FLRT2: variants seen among roughly 807,000 people sequenced by gnomAD.
FLRT2 encodes the protein leucine-rich repeat transmembrane protein FLRT2.
Under a neutral mutation model 40.0 loss-of-function variants are expected in FLRT2, and 15 were observed. The ratio of observed to expected loss-of-function variants is 0.38; its 90% confidence interval spans 0.25 to 0.58. FLRT2 has a LOEUF of 0.58. Ranked by LOEUF, FLRT2 falls within the 20% of genes least tolerant of loss-of-function variation. FLRT2 has a pLI of 0.71. For synonymous variants in FLRT2, 380 were observed against 336.8 expected (o/e 1.13, Z -1.41); for missense variants, 726 against 840.0 (o/e 0.86, Z 1.68).
In FLRT2 at chr14:85,639,851, C is replaced by CT. The variant is rs869148428; in HGVS notation, c.*16369dup. ...GAAATTCTTTATTTTTTTTTTTTTC[C>CT]TTTTTTTTTTTTTTTGAGACAGTGT... is the stretch of plus-strand genomic sequence containing the variant. On this transcript the variant is annotated 3_prime_UTR_variant, in exon 2 of 2. Coordinates refer to ENST00000330753, the MANE Select transcript of FLRT2 (RefSeq NM_013231.6). The CT allele has an allele frequency of 0.28, 33,077 of 117,668 alleles. 5,699 individuals carry two copies. The highest frequency in any genetic ancestry group is 0.38 in the African/African-American group (11,076 of 29,068). The allele number at this position is 117,668 out of a possible 1,614,324, so 7.3% of individuals were successfully genotyped here.
chr14:85,538,345 A>G (rs183273720), intron 1 of FLRT2, among the ~76,000 whole-genome samples: 15 of 152,272 alleles, frequency 9.9e-5, no homozygotes, highest in Middle Eastern at 6.8e-3. Flanking sequence ...CTTACTAAGG[A>G]CATACTTTTT....
chr14:85,559,380 T>C (rs974516224), intron 1 of FLRT2: 3 of 152,162 alleles, frequency 2.0e-5, no homozygotes, highest in African/African-American at 7.2e-5. Flanking sequence ...GAACATGGAT[T>C]AGCTGAGCAG....
chr14:85,639,851 C>CTTTTTTTTTTTTT lies in FLRT2; in HGVS notation c.*16357_*16369dup, dbSNP rs869148428. 3 of 119,250 alleles carry CTTTTTTTTTTTTT rather than the reference C, an allele frequency of 2.5e-5. No homozygotes were observed. Among genetic ancestry groups the CTTTTTTTTTTTTT allele is most frequent in the African/African-American group, 3.4e-5 (1 of 29,556 alleles). 7.4% of individuals were successfully genotyped at this position (119,250 alleles called of 1,614,324 possible). ...GAAATTCTTTATTTTTTTTTTTTTC[C>CTTTTTTTTTTTTT]TTTTTTTTTTTTTTTGAGACAGTGT... On this transcript the variant is annotated 3_prime_UTR_variant, in exon 2 of 2. Transcript: ENST00000330753.
intron 1 of FLRT2, among the ~76,000 whole-genome samples, chr14:85,594,042 A>AAAAAC (rs147789885): frequency 8.6e-5 from 13 of 151,294 alleles, no homozygotes; most frequent in African/African-American, 1.5e-4. Flanking sequence ...ACTCTGTCTC[A>AAAAAC]AAAACAAAAC....
chr14:85,581,397 G>C (rs570978831), intron 1 of FLRT2, among the ~76,000 whole-genome samples: 10 of 152,132 alleles, frequency 6.6e-5, no homozygotes, highest in Non-Finnish European at 1.5e-4. Context: ...TCTATATTTA[G>C]TGGTCAAAGA....
chr14:85,639,115 T>G lies in FLRT2; in HGVS notation c.*15618T>G, dbSNP rs753172726. 4 of 152,192 alleles carry G rather than the reference T, an allele frequency of 2.6e-5. No homozygotes were observed. Among genetic ancestry groups the G allele is most frequent in the Non-Finnish European group, 4.4e-5 (3 of 68,040 alleles). 9.4% of individuals were successfully genotyped at this position (152,192 alleles called of 1,614,324 possible). On this transcript the variant is annotated 3_prime_UTR_variant, in exon 2 of 2. Transcript: ENST00000330753. The stretch of plus-strand genomic sequence containing the variant: ...GAATTTCCAGAGCAGGCAGTCTCTA[T>G]TCTGTAACAAGGTTTTCTCATGATC...
chr14:85,546,189 T>A (rs111699900), intron 1 of FLRT2, among the ~76,000 whole-genome samples: 27 of 152,322 alleles, frequency 1.8e-4, no homozygotes, highest in African/African-American at 5.8e-4. Flanking sequence ...TCTACATGTA[T>A]GAAAGTTGTG....
intron 1 of FLRT2, among the ~76,000 whole-genome samples, chr14:85,610,662 C>A (rs1231339867): frequency 6.6e-6 from 1 of 152,110 alleles, no homozygotes; most frequent in Non-Finnish European, 1.5e-5. Context: ...CTTGCCTAGA[C>A]CTGGACTTAC....
chr14:85,646,206 A>G lies in FLRT2; in HGVS notation c.*22709A>G, dbSNP rs1166688710. 7 of 152,220 alleles carry G rather than the reference A, an allele frequency of 4.6e-5. No individual in the cohort carries two copies. Among genetic ancestry groups the G allele is most frequent in the Admixed American group, 1.3e-4 (2 of 15,274 alleles). 9.4% of individuals were successfully genotyped at this position (152,220 alleles called of 1,614,324 possible). A position where few individuals can be genotyped will look rare whatever the true frequency, so the allele number is the denominator to read the frequency against. ...TGAAGCAACCAGCCTTTAAAATACT[A>G]TAATGGACTGTGGAAAAATCAGTTA... On this transcript the variant is annotated 3_prime_UTR_variant, in exon 2 of 2. Transcript: ENST00000330753.
rs1894390704 is a variant in FLRT2 at position 85,649,826 on chromosome 14, T to C, written c.*26329T>C. The C allele has an allele frequency of 6.6e-6, 1 of 152,084 alleles. No homozygotes were observed. Among genetic ancestry groups the C allele is most frequent in the Non-Finnish European group, 1.5e-5 (1 of 67,976 alleles). 9.4% of individuals were successfully genotyped at this position (152,084 alleles called of 1,614,324 possible). A position where few individuals can be genotyped will look rare whatever the true frequency, so the allele number is the denominator to read the frequency against. ...TTGGTAAAGGCAATAAATTATTTTT[T>C]AATGTACATCTTATACACATAAAAT... On this transcript the variant is annotated 3_prime_UTR_variant, in exon 2 of 2. Coordinates refer to ENST00000330753, the MANE Select transcript of FLRT2 (RefSeq NM_013231.6).
In FLRT2 at chr14:85,533,457, C is replaced by A. The variant is rs543081587; in HGVS notation, c.-377+2923C>A. On this transcript the variant is annotated intron_variant, in intron 1 of 1. Transcript: ENST00000330753. ...GCCGCACGCCCGGCTCCGAGCTGTC[C>A]GCACACACGCGTCGGAGGAGAGCCC... 9.9e-5 allele frequency among the ~76,000 whole-genome samples: 15 copies of A among 152,128 alleles called. No individual in the cohort carries two copies. In the Middle Eastern group the frequency reaches 0.017, roughly 172 times the overall value.
rs558430831 is a variant in FLRT2, at chr14:85,622,709, A to C, written c.1195A>C (p.Thr399Pro). The change falls in exon 2 of 2, where the codon ACT becomes CCT. Residue 399 changes from threonine to proline, a missense_variant. Thr to Pro is a conservative substitution (Grantham distance 38). Around this residue, in one of 3 missense-constraint regions of FLRT2, gnomAD observed 611 missense variants for 690.0 expected, o/e 0.89. Coordinates refer to ENST00000330753, the MANE Select transcript of FLRT2 (RefSeq NM_013231.6). ...CCCTAGCAGAAGCTACACGCCTCCA[A>C]CTCCTACCACATCGAAACTTCCCAC... is the stretch of plus-strand genomic sequence containing the variant. ...PNPSRSYTPP[T>P]PTTSKLPTIP... is the part of the protein sequence containing the mutation. 4 of 1,613,612 alleles carry C rather than the reference A, an allele frequency of 2.5e-6. No homozygotes were observed. In the Admixed American group the frequency reaches 6.7e-5, roughly 27 times the overall value.
intron 1 of FLRT2, among the ~76,000 whole-genome samples, chr14:85,531,688 G>A (rs1888287303): frequency 6.6e-6 from 1 of 152,162 alleles, no homozygotes; most frequent in Non-Finnish European, 1.5e-5. Flanking sequence ...GGCACTCACT[G>A]TCTGTTCCCT....
intron 1 of FLRT2, among the ~76,000 whole-genome samples, chr14:85,592,840 C>G (rs916392630): frequency 1.3e-4 from 19 of 149,960 alleles, no homozygotes; most frequent in African/African-American, 4.4e-4. Context: ...CGCATGAATT[C>G]TGTACCTGTT....
intron 1 of FLRT2, among the ~76,000 whole-genome samples, chr14:85,611,113 C>A (rs1892836930): frequency 6.6e-6 from 1 of 152,150 alleles, no homozygotes; most frequent in African/African-American, 2.4e-5. Flanking sequence ...CCAGGCTGGT[C>A]TCGAACTCCT....
chr14:85,565,697 C>T (rs907533128), intron 1 of FLRT2, among the ~76,000 whole-genome samples: 3 of 152,066 alleles, frequency 2.0e-5, no homozygotes, highest in Non-Finnish European at 2.9e-5. Flanking sequence ...TTCGAGTTGT[C>T]ATGCTTGAAA....
Position 85,623,531 on chromosome 14 carries a change from T to C in FLRT2, c.*34T>C. The C allele has an allele frequency of 7.1e-7, 1 of 1,408,008 alleles. No individual in the cohort carries two copies. The highest frequency in any genetic ancestry group is 9.3e-7 in the Non-Finnish European group (1 of 1,077,202). The allele number at this position is 1,408,008 out of a possible 1,614,324, so 87.2% of individuals were successfully genotyped here. On this transcript the variant is annotated 3_prime_UTR_variant, in exon 2 of 2. Transcript: ENST00000330753. ...GGCCCAGCGTTATCAAGGCGGACAA[T>C]TAGACTCTTGAGAACACACTCGTGT...
chr14:85,572,215 T>A (rs1445557714), intron 1 of FLRT2, among the ~76,000 whole-genome samples: 1 of 152,192 alleles, frequency 6.6e-6, no homozygotes, highest in African/African-American at 2.4e-5. Context: ...ATCTAAGTCC[T>A]ACTCCTCTTT....
At chr14:85,581,017 G>A (rs988125584) in intron 1 of FLRT2, among the ~76,000 whole-genome samples, 1 of 152,064 alleles carries the variant, frequency 6.6e-6, no homozygotes, top group African/African-American at 2.4e-5. Flanking sequence ...TATATTAGCT[G>A]GCCTTTTTGT....
Sources: gnomAD v4.1 joint callset for allele counts (sites outside exome capture counted in the v4.1 genomes callset) on GRCh38, gnomAD v4.1.1 for gene constraint, gnomAD v4.1.1 regional missense constraint, MANE v1.5 for transcripts, NCBI Gene and HGNC (gene_info 2026-07-23, HGNC 2026-07-21) for gene names.